The following SLC2A8 variants were observed in gnomAD, a reference collection of about 807,000 sequenced individuals.
SLC2A8 encodes solute carrier family 2 member 8.
A neutral mutation model predicts 49.2 loss-of-function variants in SLC2A8; 53 were observed. The observed-to-expected ratio is 1.08, with a 90% CI of 0.86 to 1.35. The LOEUF (loss-of-function observed/expected upper bound fraction) is 1.35, where lower values mean the gene tolerates loss of function less well. Among genes scored for constraint, SLC2A8 ranks in the 40% most tolerant of loss-of-function variants. The pLI, the probability that SLC2A8 is intolerant of heterozygous loss-of-function variation, is 0.00. For synonymous variants in SLC2A8, 299 were observed against 297.0 expected (o/e 1.01, Z -0.07); for missense variants, 688 against 671.7 (o/e 1.02, Z -0.27).
intron 3 of SLC2A8, 58 bp downstream of exon 3, chr9:127,398,169 G>A: frequency 6.6e-7 from 1 of 1,516,042 alleles, no homozygotes; most frequent in South Asian, 1.2e-5. Context: ...GGGGGAGTGG[G>A]ACAAACCGCT....
At chr9:127,405,944 C>T in intron 9 of SLC2A8, 1 of 536,174 alleles carries the variant, frequency 1.9e-6, no homozygotes, top group South Asian at 1.4e-5. Flanking sequence ...TGCTTACCTT[C>T]TCTGAGCCCG....
chr9:127,398,951 TA>T (rs1269789289), intron 3 of SLC2A8, among the ~76,000 whole-genome samples: 1 of 152,222 alleles, frequency 6.6e-6, no homozygotes, highest in Admixed American at 6.5e-5. Context: ...CAACGTTTGC[TA>T]ACCGGCAGCA....
Position 127,397,177 on chromosome 9 carries a change from A to G in SLC2A8, c.-54A>G. On this transcript the variant is annotated 5_prime_UTR_variant, in exon 1 of 10. Coordinates refer to ENST00000373371, the MANE Select transcript of SLC2A8 (RefSeq NM_014580.5). Reference sequence around the variant, plus strand: ...AGAGGCCGGTGCGGGCCGCACTCGCAGGGCCCGTGGCGGTTCAGGCGCCAG... The same window carrying G: ...AGAGGCCGGTGCGGGCCGCACTCGCGGGGCCCGTGGCGGTTCAGGCGCCAG... 1 of 1,425,468 alleles carries G rather than the reference A, an allele frequency of 7.0e-7. No individual in the cohort carries two copies. The allele number at this position is 1,425,468 out of a possible 1,614,324, so 88.3% of individuals were successfully genotyped here.
chr9:127,405,325 A>G, intron 8 of SLC2A8, 95 bp from the exon 9 acceptor site: 1 of 1,444,100 alleles, frequency 6.9e-7, no homozygotes, highest in South Asian at 1.3e-5. Flanking sequence ...CCACAGCCCC[A>G]CAGGCTGGGA....
chr9:127,399,406 T>C lies in SLC2A8; in HGVS notation c.427-501T>C, dbSNP rs1020325639. Among the ~76,000 whole-genome samples, 3 of 152,024 alleles carry C rather than the reference T, an allele frequency of 2.0e-5. No homozygotes were observed. The highest frequency in any genetic ancestry group is 4.4e-5 in the Non-Finnish European group (3 of 68,000). The stretch of plus-strand genomic sequence containing the variant: ...ATCCCCTTTAAACACCTGCCACAGA[T>C]CTTTCAGTGGTGGGGACCTGGGGAT... On this transcript the variant is annotated intron_variant, in intron 3 of 9. Coordinates refer to ENST00000373371, the MANE Select transcript of SLC2A8 (RefSeq NM_014580.5). The surrounding 1 kb of genome is among the most constrained non-coding windows in gnomAD (Gnocchi z 4.2).
At chr9:127,403,317 G>A in intron 5 of SLC2A8, 1 of 365,946 alleles carries the variant, frequency 2.7e-6, no homozygotes. Context: ...GAGGGTCAGG[G>A]CTGTAGGAGG....
intron 7 of SLC2A8, 118 bp downstream of exon 7, chr9:127,404,185 C>CATTA: frequency 1.4e-6 from 1 of 698,386 alleles, no homozygotes; most frequent in Non-Finnish European, 2.4e-6. Flanking sequence ...TGGACTAATG[C>CATTA]GGCCATGATT....
At position 127,404,920 on chromosome 9, in the gene SLC2A8, C is replaced by T. The variant is rs771168748; in HGVS notation, c.1079C>T (p.Ser360Phe). ...SSHVAISAPV[S>F]AQPVDASVGL... ...CACGTGGCCATCTCGGCGCCTGTCT[C>T]TGCACAGCCTGTTGATGCCAGCGTG... Residue 360 changes from serine to phenylalanine, a missense_variant, in exon 8 of 10, where the codon TCT becomes TTT. Transcript: ENST00000373371. 6.2e-7 allele frequency: 1 copy of T among 1,612,452 alleles called. No homozygotes were observed. Among genetic ancestry groups the T allele is most frequent in the Non-Finnish European group, 8.5e-7 (1 of 1,179,822 alleles).
At position 127,407,363 on chromosome 9, in the gene SLC2A8, G is replaced by A; in HGVS notation, c.*114G>A. On this transcript the variant is annotated 3_prime_UTR_variant, in exon 10 of 10. Transcript: ENST00000373371. ...CAGCCCCTTGGAGCCTTGGTCTGCA[G>A]GGTCCCTCCTTCCTGTCATGCTCCC... The A allele has an allele frequency of 1.5e-6, 2 of 1,348,124 alleles. No individual in the cohort carries two copies. The highest frequency in any genetic ancestry group is 2.4e-5 in the South Asian group (2 of 84,434). 83.5% of individuals were successfully genotyped at this position (1,348,124 alleles called of 1,614,324 possible). A position where few individuals can be genotyped will look rare whatever the true frequency, so the allele number is the denominator to read the frequency against.
intron 7 of SLC2A8, 21 bp downstream of exon 7, chr9:127,404,088 A>T (rs1243444975): frequency 6.6e-7 from 1 of 1,517,218 alleles, no homozygotes; most frequent in Non-Finnish European, 8.9e-7. Flanking sequence ...ACCCCTGTGC[A>T]GCCTCCCCGC....
chr9:127,398,087 C>T lies in SLC2A8; in HGVS notation c.402C>T (p.Cys134=). Residue 134 remains cysteine, a synonymous_variant, in exon 3 of 10, where the codon TGC becomes TGT. Transcript: ENST00000373371. ...GCCGCCTCCTCACCGGCCTGGCCTG[C>T]GGTGTTGCCTCCCTAGTGGCCCCGG... ...LGGRLLTGLA[C]GVASLVAPVY... The T allele has an allele frequency of 1.3e-6, 2 of 1,583,608 alleles. No individual in the cohort carries two copies. Among genetic ancestry groups the T allele is most frequent in the Non-Finnish European group, 1.7e-6 (2 of 1,169,418 alleles).
intron 2 of SLC2A8, among the ~76,000 whole-genome samples, 163 bp from the exon 3 acceptor site, chr9:127,397,742 C>T (rs1427606860): frequency 6.6e-6 from 1 of 152,142 alleles, no homozygotes; most frequent in East Asian, 1.9e-4. Context: ...CAGCCCCCAC[C>T]CCTCCCCTCG....
At chr9:127,404,090 C>T (rs746272246) in intron 7 of SLC2A8, 23 bp downstream of exon 7, 2 of 1,509,880 alleles carry the variant, frequency 1.3e-6, no homozygotes, top group East Asian at 2.5e-5. Context: ...CCCTGTGCAG[C>T]CTCCCCGCCA....
Position 127,399,945 on chromosome 9 carries a change from G to T in SLC2A8, c.465G>T (p.Gly155=), listed in dbSNP as rs1000251139. ...AAATCGCCTACCCAGCAGTCCGGGG[G>T]TTGCTCGGCTCCTGTGTGCAGCTAA... ...ISEIAYPAVR[G]LLGSCVQLMV... Residue 155 remains glycine (G), a synonymous_variant, in exon 4 of 10, where the codon GGG becomes GGT. Transcript: ENST00000373371. The surrounding 1 kb of genome is among the most constrained non-coding windows in gnomAD (Gnocchi z 4.2). 6.2e-7 allele frequency: 1 copy of T among 1,613,912 alleles called. No homozygotes were observed. The highest frequency in any genetic ancestry group is 8.5e-7 in the Non-Finnish European group (1 of 1,179,870).
Position 127,407,029 on chromosome 9 carries a change from C to T in SLC2A8, c.1297-83C>T, listed in dbSNP as rs189534617. Reference sequence around the variant, plus strand: ...GGCTGGGGTCAGGGGACTGGACCCCCTGGTGGCAGAGCTGTCTCAGTGATC... The same window carrying T: ...GGCTGGGGTCAGGGGACTGGACCCCTTGGTGGCAGAGCTGTCTCAGTGATC... On this transcript the variant is annotated intron_variant, in intron 9 of 9. Transcript: ENST00000373371. 410 of 1,532,470 alleles carry T rather than the reference C, an allele frequency of 2.7e-4. 4 individuals are homozygous for T. The East Asian group carries it at 9.2e-3, about 34-fold the overall frequency. The allele number at this position is 1,532,470 out of a possible 1,614,324, so 94.9% of individuals were successfully genotyped here. A position where few individuals can be genotyped will look rare whatever the true frequency, so the allele number is the denominator to read the frequency against.
At chr9:127,397,836 G>A in intron 2 of SLC2A8, 69 bp from the exon 3 acceptor site, 2 of 1,382,442 alleles carry the variant, frequency 1.4e-6, no homozygotes, top group Admixed American at 2.9e-5. Flanking sequence ...TGAGCCCGCG[G>A]GGAGTGGGTG....
At position 127,405,594 on chromosome 9, in the gene SLC2A8, T is replaced by C. The variant is rs201132139; in HGVS notation, c.1296+29T>C. ...AGGGCAGGCTCCACCAGCACCGCGT[T>C]CGTGCAGTCAGCCGAGAAGCACTTT... On this transcript the variant is annotated intron_variant, in intron 9 of 9. Coordinates refer to ENST00000373371, the MANE Select transcript of SLC2A8 (RefSeq NM_014580.5). 7 of 1,612,034 alleles carry C rather than the reference T, an allele frequency of 4.3e-6. No homozygotes were observed. In the African/African-American group the frequency reaches 8.0e-5, roughly 18 times the overall value.
Position 127,404,040 on chromosome 9 carries a change from G to C in SLC2A8, c.949G>C (p.Gly317Arg). 1 of 1,599,826 alleles carries C rather than the reference G, an allele frequency of 6.3e-7. No homozygotes were observed. Among genetic ancestry groups the C allele is most frequent in the Non-Finnish European group, 8.6e-7 (1 of 1,169,482 alleles). The change falls in exon 7 of 10, where the codon GGG becomes CGG. Residue 317 changes from glycine to arginine, a missense_variant. Coordinates refer to ENST00000373371, the MANE Select transcript of SLC2A8 (RefSeq NM_014580.5). The stretch of plus-strand genomic sequence containing the variant: ...GGCGGCTCTCATCATGGACAGAGCA[G>C]GGCGGAGGCTGCTCCTGGTCTTGTC... ...AVAALIMDRA[G>R]RRLLLVLSGV...
rs1225469578 is a variant in SLC2A8, at chr9:127,407,421, T to G, written c.*172T>G. The stretch of plus-strand genomic sequence containing the variant: ...CATGACCCGGGGCTAGGAGGCTCAC[T>G]GCCTCCTGTTCCAGCTCCTGCTGCT... On this transcript the variant is annotated 3_prime_UTR_variant, in exon 10 of 10. Coordinates refer to ENST00000373371, the MANE Select transcript of SLC2A8 (RefSeq NM_014580.5). 2.5e-6 allele frequency: 2 copies of G among 806,672 alleles called. No homozygotes were observed. The highest frequency in any genetic ancestry group is 4.0e-5 in the Admixed American group (2 of 50,134). 50.0% of individuals were successfully genotyped at this position (806,672 alleles called of 1,614,324 possible). A position where few individuals can be genotyped will look rare whatever the true frequency, so the allele number is the denominator to read the frequency against.
Sources: gnomAD v4.1 joint callset for allele counts (sites outside exome capture counted in the v4.1 genomes callset) on GRCh38, gnomAD v4.1.1 for gene constraint, Gnocchi (gnomAD v3.1) non-coding constraint, MANE v1.5 for transcripts, NCBI Gene and HGNC (gene_info 2026-07-23, HGNC 2026-07-21) for gene names.